Variants in MAML2 observed in about 807,000 individuals in gnomAD.
MAML2 encodes the protein mastermind-like protein 2.
MAML2 carries 22 observed loss-of-function variants against 96.1 expected under a neutral mutation model. The ratio of observed to expected loss-of-function variants is 0.23; its 90% CI spans 0.16 to 0.33. The LOEUF (loss-of-function observed/expected upper bound fraction) is 0.33, where lower values mean the gene tolerates loss of function less well. Among genes scored for constraint, MAML2 ranks in the 10% least tolerant of loss-of-function variants. MAML2 has a pLI of 1.00. For missense variants in MAML2, 1,367 were observed against 1,392.4 expected, an observed-to-expected ratio of 0.98 and a Z score of 0.29; for synonymous variants, 561 against 521.3, an observed-to-expected ratio of 1.08 and a Z score of -1.04.
chr11:96,336,025 C>T (rs189512339), intron 1 of MAML2, among the ~76,000 whole-genome samples: 1 of 152,282 alleles, frequency 6.6e-6, no homozygotes, highest in Non-Finnish European at 1.5e-5. Context: ...TGAGCACCTA[C>T]TATGTATCAG....
chr11:96,154,505 A>T lies in MAML2; in HGVS notation c.514-60988T>A, dbSNP rs75512595. On this transcript the variant is annotated intron_variant, in intron 1 of 4. Transcript: ENST00000524717. ...TCATAGTCTTCCCTTTAGAACTTGT[A>T]GGCTGTCTTATCAGTGCTTATCCTG... Among the ~76,000 whole-genome samples, 393 of 152,356 alleles carry T rather than the reference A, an allele frequency of 2.6e-3. 6 individuals are homozygous for T. Among genetic ancestry groups the T allele is most frequent in the Admixed American group, 0.018 (277 of 15,304 alleles).
intron 2 of MAML2, among the ~76,000 whole-genome samples, chr11:96,080,037 T>G (rs1004453791): frequency 1.3e-5 from 2 of 152,192 alleles, no homozygotes; most frequent in East Asian, 3.8e-4. Flanking sequence ...GAAAGAAAAG[T>G]TAGGTATATG....
Position 96,323,647 on chromosome 11 carries a change from A to G in MAML2, c.513+17736T>C, listed in dbSNP as rs192802197. 3.0e-3 allele frequency among the ~76,000 whole-genome samples: 464 copies of G among 152,360 alleles called. 1 individual carries two copies. The highest frequency in any genetic ancestry group is 5.9e-3 in the Admixed American group (91 of 15,310). ...TCACAGTATAATCTGGTCCTGATGC[A>G]TTCCTTCATGGGAATTAACAATTCA... On this transcript the variant is annotated intron_variant, in intron 1 of 4. Transcript: ENST00000524717.
At chr11:96,053,119 G>A (rs1423075644) in intron 2 of MAML2, among the ~76,000 whole-genome samples, 9 of 152,226 alleles carry the variant, frequency 5.9e-5, no homozygotes, top group Admixed American at 5.9e-4. Flanking sequence ...GTCTTCCCTT[G>A]AGAAATTCAA....
At chr11:96,168,925 A>G (rs1455489898) in intron 1 of MAML2, among the ~76,000 whole-genome samples, 1 of 152,260 alleles carries the variant, frequency 6.6e-6, no homozygotes, top group Admixed American at 6.5e-5. Context: ...CAGCAATGGT[A>G]TTTAGGGTGC....
At position 96,342,669 on chromosome 11, in the gene MAML2, T is replaced by G. The variant is rs1194319637; in HGVS notation, c.-774A>C. ...TGTTAACAATGTCAGTAATTGGACT[T>G]TTGGACCATGCTTTTTTCTTCAGCT... On this transcript the variant is annotated 5_prime_UTR_variant, in exon 1 of 5. Coordinates refer to ENST00000524717, the MANE Select transcript of MAML2 (RefSeq NM_032427.4). The G allele has an allele frequency of 2.7e-6, 1 of 370,008 alleles. No individual in the cohort carries two copies. Among genetic ancestry groups the G allele is most frequent in the East Asian group, 3.9e-5 (1 of 25,862 alleles). The allele number at this position is 370,008 out of a possible 1,614,324, so 22.9% of individuals were successfully genotyped here. A position where few individuals can be genotyped will look rare whatever the true frequency, so the allele number is the denominator to read the frequency against.
chr11:96,086,544 A>G (rs1859617945), intron 2 of MAML2, among the ~76,000 whole-genome samples: 1 of 152,138 alleles, frequency 6.6e-6, no homozygotes, highest in African/African-American at 2.4e-5. Flanking sequence ...AAACAAGAAT[A>G]TGCCTGCAAT....
intron 1 of MAML2, among the ~76,000 whole-genome samples, chr11:96,238,273 T>C (rs1306645500): frequency 6.6e-6 from 1 of 152,194 alleles, no homozygotes; most frequent in Non-Finnish European, 1.5e-5. Context: ...AGGGCTTGTA[T>C]AAAGGAGGAG....
chr11:96,149,057 C>A (rs1004917336), intron 1 of MAML2, among the ~76,000 whole-genome samples: 1 of 152,112 alleles, frequency 6.6e-6, no homozygotes, highest in Non-Finnish European at 1.5e-5. Flanking sequence ...ACGAACATTG[C>A]CTTCCACTGT....
At chr11:96,150,863 G>A (rs1300544188) in intron 1 of MAML2, among the ~76,000 whole-genome samples, 1 of 152,038 alleles carries the variant, frequency 6.6e-6, no homozygotes, top group African/African-American at 2.4e-5. Context: ...GCATTTTTCT[G>A]AAGTCTCCCT....
At chr11:96,146,655 G>A (rs957370643) in intron 1 of MAML2, among the ~76,000 whole-genome samples, 3 of 152,158 alleles carry the variant, frequency 2.0e-5, no homozygotes, top group African/African-American at 7.2e-5. Context: ...TAGGTACTCA[G>A]TAAATGGCAG....
At chr11:96,086,860 A>C (rs1026437620) in intron 2 of MAML2, among the ~76,000 whole-genome samples, 4 of 152,190 alleles carry the variant, frequency 2.6e-5, no homozygotes, top group African/African-American at 9.7e-5. Context: ...ATTTGACTAA[A>C]GATCCCTCCC....
At chr11:96,065,759 C>A (rs973596598) in intron 2 of MAML2, among the ~76,000 whole-genome samples, 1 of 152,178 alleles carries the variant, frequency 6.6e-6, no homozygotes, top group Non-Finnish European at 1.5e-5. Context: ...GACGGTCACA[C>A]AGCTAGGAAT....
At chr11:96,224,757 G>A (rs1862188482) in intron 1 of MAML2, among the ~76,000 whole-genome samples, 1 of 152,184 alleles carries the variant, frequency 6.6e-6, no homozygotes, top group African/African-American at 2.4e-5. Context: ...CAAAGTAGAT[G>A]CACATAATGT....
chr11:96,068,915 CT>C (rs71040128), intron 2 of MAML2, among the ~76,000 whole-genome samples: 40,870 of 106,496 alleles, frequency 0.38, 7,899 homozygotes, highest in African/African-American at 0.46. Context: ...TTCTTCCCTC[CT>C]TTTTTTTTTT....
intron 2 of MAML2, among the ~76,000 whole-genome samples, chr11:96,038,294 TA>T (rs1858751468): frequency 6.6e-6 from 1 of 152,348 alleles, no homozygotes; most frequent in African/African-American, 2.4e-5. Flanking sequence ...TATATCGACA[TA>T]CACATCTTCA....
chr11:96,247,022 C>A (rs1219850472), intron 1 of MAML2, among the ~76,000 whole-genome samples: 1 of 152,010 alleles, frequency 6.6e-6, no homozygotes, highest in Admixed American at 6.6e-5. Flanking sequence ...ACAAAAATTG[C>A]GTGTGATCCT....
intron 1 of MAML2, among the ~76,000 whole-genome samples, chr11:96,315,725 C>T (rs1160353770): frequency 6.6e-6 from 1 of 152,284 alleles, no homozygotes; most frequent in East Asian, 1.9e-4. Context: ...ATCTAGTTGT[C>T]CCTGAGGATA....
intron 2 of MAML2, among the ~76,000 whole-genome samples, chr11:96,029,742 C>T (rs943917199): frequency 6.6e-6 from 1 of 152,148 alleles, no homozygotes; most frequent in Non-Finnish European, 1.5e-5. Context: ...TTTCTATGTT[C>T]AGTGGCGCTT....
Sources: allele counts gnomAD v4.1 joint callset (sites outside exome capture counted in the v4.1 genomes callset), GRCh38; gene constraint gnomAD v4.1.1; transcripts MANE v1.5; gene names NCBI Gene and HGNC (gene_info 2026-07-23, HGNC 2026-07-21).